The following INPP4B variants were observed in gnomAD, a reference collection of about 807,000 sequenced individuals.
The protein encoded by INPP4B is inositol polyphosphate 4-phosphatase type II.
A neutral mutation model predicts 122.5 loss-of-function variants in INPP4B; 55 were observed. That is an observed-to-expected ratio of 0.45 (90% CI 0.36 to 0.56). The LOEUF is 0.56. Among genes scored for constraint, INPP4B ranks in the 20% least tolerant of loss-of-function variants. The pLI, the probability that INPP4B is intolerant of heterozygous loss-of-function variation, is 0.00. For missense variants in INPP4B, 1,000 were observed against 1,097.7 expected, an observed-to-expected ratio of 0.91 and a Z score of 1.26; for synonymous variants, 403 against 388.7, an observed-to-expected ratio of 1.04 and a Z score of -0.43.
At chr4:142,091,694 C>T (rs1779615268) in intron 23 of INPP4B, among the ~76,000 whole-genome samples, 1 of 152,154 alleles carries the variant, frequency 6.6e-6, no homozygotes, top group African/African-American at 2.4e-5. Context: ...GGCCTATATC[C>T]TCCTTGTTAG....
At chr4:142,604,781 A>C (rs915544603) in intron 2 of INPP4B, among the ~76,000 whole-genome samples, 1 of 152,092 alleles carries the variant, frequency 6.6e-6, no homozygotes, top group Non-Finnish European at 1.5e-5. Context: ...CATTGTTGAA[A>C]TGGCCATACT....
chr4:142,709,762 T>TTTC (rs1762890850), intron 2 of INPP4B, among the ~76,000 whole-genome samples: 1 of 152,212 alleles, frequency 6.6e-6, no homozygotes, highest in Non-Finnish European at 1.5e-5. Flanking sequence ...ACTAATACAC[T>TTTC]TTCTTTTCAA....
At chr4:142,078,529 G>GA (rs1772090208) in intron 25 of INPP4B, among the ~76,000 whole-genome samples, 1 of 151,940 alleles carries the variant, frequency 6.6e-6, no homozygotes, top group African/African-American at 2.4e-5. Context: ...CTAGGTACTG[G>GA]AAATATAGTA....
intron 1 of INPP4B, among the ~76,000 whole-genome samples, chr4:142,754,705 GT>G (rs201604763): frequency 1.5e-4 from 23 of 151,536 alleles, no homozygotes; most frequent in African/African-American, 4.1e-4. Flanking sequence ...CTCAAAATGT[GT>G]TTTTTTTAGT....
intron 15 of INPP4B, among the ~76,000 whole-genome samples, chr4:142,177,798 C>T (rs1027736453): frequency 6.6e-6 from 1 of 152,016 alleles, no homozygotes; most frequent in Non-Finnish European, 1.5e-5. Flanking sequence ...AATGAAGTAA[C>T]ATTCACATTC....
In INPP4B at chr4:142,086,323, G is replaced by GT. The variant is rs916715223; in HGVS notation, c.2375-68dup. ...TGTTCACATTAAGCTGCCCATGGAG[G>GT]TTTTTTCAATACATTTATTTGCAAA... On this transcript the variant is annotated intron_variant, in intron 23 of 25. Coordinates refer to ENST00000262992, the MANE Select transcript of INPP4B (RefSeq NM_001101669.3). 5.9e-6 allele frequency: 5 copies of GT among 848,058 alleles called. No homozygotes were observed. The African/African-American group carries it at 8.5e-5, about 14-fold the overall frequency. 52.5% of individuals were successfully genotyped at this position (848,058 alleles called of 1,614,324 possible).
chr4:142,497,380 C>A (rs1560724222), intron 2 of INPP4B, among the ~76,000 whole-genome samples: 1 of 152,060 alleles, frequency 6.6e-6, no homozygotes, highest in Non-Finnish European at 1.5e-5. Context: ...AATATGTTCC[C>A]ATAACCAAAT....
intron 9 of INPP4B, among the ~76,000 whole-genome samples, chr4:142,293,215 T>A (rs1757192058): frequency 2.0e-5 from 3 of 152,040 alleles, no homozygotes; most frequent in Non-Finnish European, 4.4e-5. Context: ...ATTTTTTGTA[T>A]TTTTAGTAGA....
At chr4:142,253,737 C>G in intron 11 of INPP4B, among the ~76,000 whole-genome samples, 1 of 152,196 alleles carries the variant, frequency 6.6e-6, no homozygotes, top group East Asian at 1.9e-4. Flanking sequence ...GCTAGCACAG[C>G]GGTCTGAGAT....
intron 1 of INPP4B, among the ~76,000 whole-genome samples, chr4:142,808,984 C>T (rs1232116946): frequency 6.6e-6 from 1 of 151,990 alleles, no homozygotes; most frequent in African/African-American, 2.4e-5. Context: ...ATACAAAATA[C>T]TTTTAATTTT....
At chr4:142,621,019 G>A (rs1214079432) in intron 2 of INPP4B, among the ~76,000 whole-genome samples, 1 of 151,684 alleles carries the variant, frequency 6.6e-6, no homozygotes, top group Non-Finnish European at 1.5e-5. Context: ...TATTGAAGGA[G>A]CTTTTTTTTT....
intron 21 of INPP4B, among the ~76,000 whole-genome samples, chr4:142,117,754 C>A (rs1794412022): frequency 6.6e-6 from 1 of 152,126 alleles, no homozygotes; most frequent in South Asian, 2.1e-4. Flanking sequence ...CCTCTCTCAC[C>A]ACTCCTATTC....
chr4:142,148,696 T>G (rs1812121242), intron 17 of INPP4B, among the ~76,000 whole-genome samples: 1 of 152,158 alleles, frequency 6.6e-6, no homozygotes, highest in Admixed American at 6.5e-5. Context: ...ACAGCTCAGG[T>G]TATAAGATTT....
intron 10 of INPP4B, among the ~76,000 whole-genome samples, chr4:142,264,080 A>G (rs1005024771): frequency 1.3e-5 from 2 of 152,074 alleles, no homozygotes; most frequent in African/African-American, 2.4e-5. Flanking sequence ...ATACTTTCAG[A>G]GAGTTGAGAA....
chr4:142,438,381 C>A (rs1810987508), intron 3 of INPP4B, among the ~76,000 whole-genome samples: 2 of 152,024 alleles, frequency 1.3e-5, no homozygotes, highest in Non-Finnish European at 2.9e-5. Flanking sequence ...ATAATAGAGA[C>A]CTCAGAAATA....
At chr4:142,714,635 T>C (rs1763534122) in intron 2 of INPP4B, among the ~76,000 whole-genome samples, 1 of 152,178 alleles carries the variant, frequency 6.6e-6, no homozygotes, top group African/African-American at 2.4e-5. Context: ...GCAAGCTCAG[T>C]TGTTACAAGA....
intron 2 of INPP4B, among the ~76,000 whole-genome samples, chr4:142,660,112 T>C (rs996516646): frequency 2.6e-5 from 4 of 152,172 alleles, no homozygotes; most frequent in African/African-American, 9.6e-5. Flanking sequence ...TCTAGGGAAC[T>C]CCAAAGCTAC....
At chr4:142,728,375 G>A (rs912458810) in intron 1 of INPP4B, among the ~76,000 whole-genome samples, 1 of 152,192 alleles carries the variant, frequency 6.6e-6, no homozygotes, top group Non-Finnish European at 1.5e-5. Flanking sequence ...CAGGCATCAA[G>A]TAGACCAACA....
chr4:142,727,087 C>T (rs1183756117), intron 1 of INPP4B, among the ~76,000 whole-genome samples: 2 of 152,052 alleles, frequency 1.3e-5, no homozygotes, highest in South Asian at 2.1e-4. Context: ...CTGGACATTA[C>T]CTATTTTGTT....
Sources: allele counts gnomAD v4.1 joint callset (sites outside exome capture counted in the v4.1 genomes callset), GRCh38; gene constraint gnomAD v4.1.1; transcripts MANE v1.5; gene names NCBI Gene and HGNC (gene_info 2026-07-23, HGNC 2026-07-21).